The following AGFG2 variants were observed in gnomAD, a reference collection of about 807,000 sequenced individuals.
AGFG2 encodes the protein arf-GAP domain and FG repeat-containing protein 2.
Under a neutral mutation model 48.0 loss-of-function variants are expected in AGFG2, and 31 were observed. The ratio of observed to expected loss-of-function variants is 0.65; its 90% CI spans 0.49 to 0.87. The LOEUF is 0.87. Ranked by LOEUF, AGFG2 falls within the 40% of genes least tolerant of loss-of-function variation. The probability of loss-of-function intolerance (pLI) is 0.00; values close to 1 mark genes in which losing one functional copy is unlikely to be tolerated. For missense variants in AGFG2, 599 were observed against 632.6 expected (o/e 0.95, Z 0.57); for synonymous variants, 229 against 260.8 (o/e 0.88, Z 1.18).
At chr7:100,558,524 GT>G (rs1250174850) in intron 6 of AGFG2, among the ~76,000 whole-genome samples, 1 of 149,886 alleles carries the variant, frequency 6.7e-6, no homozygotes, top group African/African-American at 2.5e-5. Flanking sequence ...TAAAGACAGA[GT>G]TTTTTTTGTT....
In AGFG2 at chr7:100,562,011, G is replaced by A. The variant is rs960559514; in HGVS notation, c.878-248G>A. ...CTGGGGACGAGCTGCTTTCCTCTCC[G>A]CAGCGCAGCTTTGAGCGCAGGGGAC... On this transcript the variant is annotated intron_variant, in intron 6 of 11. Transcript: ENST00000300176. This position sits in a 1 kb window ranked among gnomAD's most constrained non-coding sequence, Gnocchi z 5.4. 6.6e-6 allele frequency among the ~76,000 whole-genome samples: 1 copy of A among 152,128 alleles called. No individual in the cohort carries two copies. Among genetic ancestry groups the A allele is most frequent in the African/African-American group, 2.4e-5 (1 of 41,426 alleles).
rs1352334644 is a variant in AGFG2, at chr7:100,565,052, T to C, written c.*61T>C. On this transcript the variant is annotated 3_prime_UTR_variant, in exon 12 of 12. Transcript: ENST00000300176. ...GGGGCCCCTCTGCTCCCTAGAGCTC[T>C]GGTGACCACTTGCCTGTGGGCATTT... 7 of 1,541,638 alleles carry C rather than the reference T, an allele frequency of 4.5e-6. No individual in the cohort carries two copies. Among genetic ancestry groups the C allele is most frequent in the Non-Finnish European group, 6.3e-6 (7 of 1,114,030 alleles).
At chr7:100,546,614 C>T (rs1166713911) in intron 1 of AGFG2, among the ~76,000 whole-genome samples, 1 of 152,114 alleles carries the variant, frequency 6.6e-6, no homozygotes, top group African/African-American at 2.4e-5. Flanking sequence ...CCCATAATGC[C>T]TTGTGTTTTG....
At chr7:100,551,157 C>T (rs1800635829) in intron 3 of AGFG2, among the ~76,000 whole-genome samples, 1 of 147,076 alleles carries the variant, frequency 6.8e-6, no homozygotes, top group Non-Finnish European at 1.5e-5. Context: ...CCAAGTTCCA[C>T]CTCCCAGGTT....
rs11285690 is a variant in AGFG2 at position 100,541,766 on chromosome 7, C to CAAA, written c.221+2213_221+2215dup. Among the ~76,000 whole-genome samples the CAAA allele has an allele frequency of 3.5e-3, 227 of 65,516 alleles. 3 individuals are homozygous for CAAA. The highest frequency in any genetic ancestry group is 0.012 in the African/African-American group (213 of 17,372). 43.0% of individuals were successfully genotyped at this position (65,516 alleles called of 152,430 possible). A position where few individuals can be genotyped will look rare whatever the true frequency, so the allele number is the denominator to read the frequency against. The stretch of plus-strand genomic sequence containing the variant: ...GGTCGCAGAGCGAGACTCTGTCTCA[C>CAAA]AAAAAAAAAAAAAAAAGGAGTATGT... On this transcript the variant is annotated intron_variant, in intron 1 of 11. Transcript: ENST00000300176.
chr7:100,539,473 G>T lies in AGFG2; in HGVS notation c.127G>T (p.Gly43Trp). ...GGAGCTGGGTGGCTGCAGCCAGGCC[G>T]GGAACCGCCACTGCTTCGAGTGCGC... ...VRELGGCSQA[G>W]NRHCFECAQR... is the part of the protein sequence containing the mutation. Residue 43 changes from glycine (G) to tryptophan (W), a missense_variant, in exon 1 of 12, where the codon GGG becomes TGG. Transcript: ENST00000300176. The T allele has an allele frequency of 7.6e-7, 1 of 1,319,286 alleles. No individual in the cohort carries two copies. 81.7% of individuals were successfully genotyped at this position (1,319,286 alleles called of 1,614,324 possible). A position where few individuals can be genotyped will look rare whatever the true frequency, so the allele number is the denominator to read the frequency against.
intron 1 of AGFG2, among the ~76,000 whole-genome samples, chr7:100,541,440 TG>T (rs1274247809): frequency 6.6e-6 from 1 of 150,736 alleles, no homozygotes; most frequent in Non-Finnish European, 1.5e-5. Flanking sequence ...GACTCGAGAG[TG>T]GGTGAAGAAC....
intron 1 of AGFG2, among the ~76,000 whole-genome samples, chr7:100,545,582 T>C (rs78550770): frequency 0.014 from 2,150 of 152,258 alleles, 45 homozygotes; most frequent in African/African-American, 0.049. Flanking sequence ...GTACTTTCCA[T>C]TGGAAAAACT....
At chr7:100,550,940 A>C (rs1444008555) in intron 3 of AGFG2, among the ~76,000 whole-genome samples, 4 of 143,094 alleles carry the variant, frequency 2.8e-5, no homozygotes, top group Non-Finnish European at 4.5e-5. Context: ...AGCTTACTGC[A>C]GTCTCAGCTT....
intron 1 of AGFG2, among the ~76,000 whole-genome samples, chr7:100,544,385 T>G (rs1413656612): frequency 6.6e-6 from 1 of 152,190 alleles, no homozygotes; most frequent in African/African-American, 2.4e-5. Context: ...TTGTGACAAG[T>G]TCCTGCCCTC....
At chr7:100,548,214 T>G (rs1800551654) in intron 1 of AGFG2, among the ~76,000 whole-genome samples, 2 of 151,890 alleles carry the variant, frequency 1.3e-5, no homozygotes, top group Non-Finnish European at 2.9e-5. Context: ...GGCTTCTGGA[T>G]GGGCAGGCTC....
intron 1 of AGFG2, among the ~76,000 whole-genome samples, chr7:100,547,670 A>G (rs1800539714): frequency 6.6e-6 from 1 of 152,116 alleles, no homozygotes; most frequent in Non-Finnish European, 1.5e-5. Context: ...TTCTCTTATA[A>G]TCTCCACAGG....
At chr7:100,549,087 A>C (rs1029211190) in intron 2 of AGFG2, among the ~76,000 whole-genome samples, 172 bp downstream of exon 2, 21 of 152,188 alleles carry the variant, frequency 1.4e-4, no homozygotes, top group African/African-American at 4.6e-4. Flanking sequence ...TCTGTTATAC[A>C]AATCATGGTT....
Position 100,553,396 on chromosome 7 carries a change from G to A in AGFG2, c.481G>A (p.Ala161Thr). The change falls in exon 4 of 12, where the codon GCC (alanine) becomes ACC (threonine). Residue 161 changes from alanine to threonine, a missense_variant. By Grantham distance (58) the Ala-to-Thr change is moderately conservative (BLOSUM62 0). Transcript: ENST00000300176. ...GGGGCCCACTTATACCAAAGGCAGT[G>A]CCTCCACCCCTGTGCAGGGCTCCAT... ...VKGPTYTKGSASTPVQGSIPE... is the reference protein window; with the variant it reads ...VKGPTYTKGSTSTPVQGSIPE... 1 of 1,614,192 alleles carries A rather than the reference G, an allele frequency of 6.2e-7. No homozygotes were observed. The highest frequency in any genetic ancestry group is 8.5e-7 in the Non-Finnish European group (1 of 1,180,032).
Position 100,550,387 on chromosome 7 carries a change from T to C in AGFG2, c.316-9T>C. On this transcript the variant is annotated splice_polypyrimidine_tract_variant and intron_variant, in intron 2 of 11. Transcript: ENST00000300176. ...TGCTCCCACTCCTCTGACACCTTCA[T>C]TCTTTTAGGTTTGCCGGAAGATTTG... The C allele has an allele frequency of 6.2e-7, 1 of 1,606,192 alleles. No homozygotes were observed. The highest frequency in any genetic ancestry group is 1.1e-5 in the South Asian group (1 of 90,670).
intron 3 of AGFG2, among the ~76,000 whole-genome samples, chr7:100,551,112 C>G (rs1376579581): frequency 7.2e-6 from 1 of 138,510 alleles, no homozygotes; most frequent in African/African-American, 2.8e-5. Flanking sequence ...CTCTGTCACC[C>G]AGGCTGGAGT....
At chr7:100,550,026 T>C (rs563313282) in intron 2 of AGFG2, among the ~76,000 whole-genome samples, 3 of 152,294 alleles carry the variant, frequency 2.0e-5, no homozygotes, top group African/African-American at 7.2e-5. Flanking sequence ...TAGGAAGTGG[T>C]GGCTGGGCGC....
rs538838615 is a variant in AGFG2 at position 100,562,775 on chromosome 7, G to A, written c.1088-88G>A. The A allele has an allele frequency of 1.6e-4, 262 of 1,593,080 alleles. 2 individuals carry two copies. The East Asian group carries it at 5.8e-3, about 35-fold the overall frequency. On this transcript the variant is annotated intron_variant, in intron 8 of 11. Transcript: ENST00000300176. The surrounding 1 kb of genome is among the most constrained non-coding windows in gnomAD (Gnocchi z 5.4). ...AGGGTGGGAAGGGGAGAGATTGAGAGGAATGCTCAGGCATCACAGGATGAA... is the reference window on the plus strand; with the variant it reads ...AGGGTGGGAAGGGGAGAGATTGAGAAGAATGCTCAGGCATCACAGGATGAA...
At position 100,548,864 on chromosome 7, in the gene AGFG2, G is replaced by A. The variant is rs764329171; in HGVS notation, c.264G>A (p.Met88Ile). ...CTCATCGTGTCAAGTCAATCTCCATGACAACTTTCACTGAGCCTGAAGTAG... is the reference window on the plus strand; with the variant it reads ...CTCATCGTGTCAAGTCAATCTCCATAACAACTTTCACTGAGCCTGAAGTAG... ...NPPHRVKSIS[M>I]TTFTEPEVVF... The change falls in exon 2 of 12, where the codon ATG (methionine) becomes ATA (isoleucine). Residue 88 changes from methionine (M) to isoleucine (I), a missense_variant. Coordinates refer to ENST00000300176, the MANE Select transcript of AGFG2 (RefSeq NM_006076.5). 11 of 1,613,730 alleles carry A rather than the reference G, an allele frequency of 6.8e-6. No homozygotes were observed. Among genetic ancestry groups the A allele is most frequent in the Non-Finnish European group, 9.3e-6 (11 of 1,179,838 alleles).
Sources: allele counts gnomAD v4.1 joint callset (sites outside exome capture counted in the v4.1 genomes callset), GRCh38; gene constraint gnomAD v4.1.1; non-coding constraint Gnocchi (gnomAD v3.1); transcripts MANE v1.5; gene names NCBI Gene and HGNC (gene_info 2026-07-23, HGNC 2026-07-21).